PCGF3: variants seen among roughly 807,000 people sequenced by gnomAD.
PCGF3 encodes polycomb group RING finger protein 3.
Under a neutral mutation model 33.1 loss-of-function variants are expected in PCGF3, and 7 were observed. The ratio of observed to expected loss-of-function variants is 0.21; its 90% CI spans 0.12 to 0.40. The LOEUF is 0.40. Ranked by LOEUF, PCGF3 falls within the 10% of genes least tolerant of loss-of-function variation. PCGF3 has a pLI of 1.00. For missense variants in PCGF3, 211 were observed against 313.3 expected, an observed-to-expected ratio of 0.67 and a Z score of 2.46; for synonymous variants, 153 against 121.3, an observed-to-expected ratio of 1.26 and a Z score of -1.72.
rs1745528388 is a variant in PCGF3, at chr4:769,490, ATGATCAATGT to A, written c.*3412_*3421del. On this transcript the variant is annotated 3_prime_UTR_variant, in exon 11 of 11. Coordinates refer to ENST00000362003, the Ensembl canonical transcript of PCGF3. ...CGCCACCACATCACATGACCTTAACATGATCAATGTATTTCTCTGCCTTGACATTTAAATA... is the reference window on the plus strand; with the variant it reads ...CGCCACCACATCACATGACCTTAACAATTTCTCTGCCTTGACATTTAAATA... 2.6e-5 allele frequency: 4 copies of A among 152,842 alleles called. No homozygotes were observed. In the South Asian group the frequency reaches 8.3e-4, roughly 32 times the overall value. The allele number at this position is 152,842 out of a possible 1,614,324, so 9.5% of individuals were successfully genotyped here. A position where few individuals can be genotyped will look rare whatever the true frequency, so the allele number is the denominator to read the frequency against.
chr4:715,408 C>T (rs1742775670), intron 1 of PCGF3, among the ~76,000 whole-genome samples: 2 of 146,238 alleles, frequency 1.4e-5, no homozygotes, highest in African/African-American at 5.0e-5. Flanking sequence ...ACCCTGTAGA[C>T]ACTGAGTGTG....
At chr4:724,154 G>T (rs771041975) in intron 1 of PCGF3, 2 of 152,482 alleles carry the variant, frequency 1.3e-5, no homozygotes, top group Non-Finnish European at 2.9e-5. Flanking sequence ...TCAGCCGGGA[G>T]GGGGCACGGA....
chr4:731,179 C>G (rs576844359), intron 3 of PCGF3, 69 bp downstream of exon 3: 4 of 398,346 alleles, frequency 1.0e-5, no homozygotes. Flanking sequence ...CTGGTTGTGG[C>G]GAGGGCCGGC....
At position 713,366 on chromosome 4, in the gene PCGF3, C is replaced by T. The variant is rs776902205; in HGVS notation, c.-190+7396C>T. On this transcript the variant is annotated intron_variant, in intron 1 of 10. Coordinates refer to ENST00000362003, the Ensembl canonical transcript of PCGF3. Reference sequence around the variant, plus strand: ...GTGGCTTTGTGGGTCCTGTGTGTCTCATGGGAGCCGTGGCCTTGTGGGTCC... The same window carrying T: ...GTGGCTTTGTGGGTCCTGTGTGTCTTATGGGAGCCGTGGCCTTGTGGGTCC... Among the ~76,000 whole-genome samples the T allele has an allele frequency of 1.2e-3, 138 of 118,798 alleles. 1 individual carries two copies. Among genetic ancestry groups the T allele is most frequent in the Admixed American group, 4.3e-3 (48 of 11,160 alleles). The allele number at this position is 118,798 out of a possible 152,430, so 77.9% of individuals were successfully genotyped here. A position where few individuals can be genotyped will look rare whatever the true frequency, so the allele number is the denominator to read the frequency against.
At chr4:708,916 G>C (rs1742448450) in intron 1 of PCGF3, among the ~76,000 whole-genome samples, 1 of 152,196 alleles carries the variant, frequency 6.6e-6, no homozygotes, top group African/African-American at 2.4e-5. Flanking sequence ...AAAGGATCCT[G>C]GTGGTGATCG....
intron 8 of PCGF3, among the ~76,000 whole-genome samples, chr4:747,783 G>A (rs1744326651): frequency 6.6e-6 from 1 of 152,182 alleles, no homozygotes; most frequent in African/African-American, 2.4e-5. Flanking sequence ...AGCACCGAGG[G>A]AGGGCTCACA....
chr4:755,922 T>C (rs201127038), intron 8 of PCGF3, among the ~76,000 whole-genome samples: 7,360 of 143,362 alleles, frequency 0.051, 395 homozygotes, highest in East Asian at 0.1. Flanking sequence ...TTTTTTTTTT[T>C]TTTTTTTTTT....
In PCGF3 at chr4:718,511, C is replaced by T. The variant is rs374152374; in HGVS notation, c.-189-12119C>T. 1.4e-4 allele frequency among the ~76,000 whole-genome samples: 22 copies of T among 152,218 alleles called. No individual in the cohort carries two copies. In the East Asian group the frequency reaches 1.5e-3, roughly 11 times the overall value. ...AATTTAAAAAATGAGAGCTGATGTG[C>T]GCCTGTAATCCCAGCTACTGAGAAA... On this transcript the variant is annotated intron_variant, in intron 1 of 10. Coordinates refer to ENST00000362003, the Ensembl canonical transcript of PCGF3.
At chr4:707,210 G>T (rs1037233549) in intron 1 of PCGF3, among the ~76,000 whole-genome samples, 34 of 126,160 alleles carry the variant, frequency 2.7e-4, no homozygotes, top group African/African-American at 8.9e-4. Context: ...TGGCCACCTG[G>T]CAGGGCCCGG....
At chr4:760,516 G>A (rs1176073394) in intron 8 of PCGF3, among the ~76,000 whole-genome samples, 1 of 152,142 alleles carries the variant, frequency 6.6e-6, no homozygotes, top group African/African-American at 2.4e-5. Flanking sequence ...CTGTACCCCT[G>A]GTGTCCTCCC....
chr4:761,900 A>G, intron 9 of PCGF3: 3 of 985,438 alleles, frequency 3.0e-6, no homozygotes, highest in South Asian at 4.7e-5. Context: ...AGGCGCCAGC[A>G]GGGTCCAGCT....
intron 1 of PCGF3, among the ~76,000 whole-genome samples, chr4:707,644 GC>G (rs755421580): frequency 8.4e-6 from 1 of 119,538 alleles, no homozygotes; most frequent in African/African-American, 3.0e-5. Flanking sequence ...CCCTGGGACA[GC>G]CCTGTTTTCC....
chr4:742,376 C>T (rs1213514800), intron 6 of PCGF3, among the ~76,000 whole-genome samples: 1 of 152,252 alleles, frequency 6.6e-6, no homozygotes, highest in African/African-American at 2.4e-5. Context: ...GAGCGTTTCC[C>T]TGGCCTGGCC....
At chr4:727,719 C>T (rs1022473073) in intron 1 of PCGF3, among the ~76,000 whole-genome samples, 6 of 151,516 alleles carry the variant, frequency 4.0e-5, no homozygotes, top group Admixed American at 1.3e-4. Context: ...GAATGATTAT[C>T]TTTTTGTATA....
At chr4:763,754 C>T (rs896743981) in intron 9 of PCGF3, among the ~76,000 whole-genome samples, 10 of 152,206 alleles carry the variant, frequency 6.6e-5, no homozygotes, top group African/African-American at 7.2e-5. Context: ...AACCTGCACC[C>T]GGATGTTGAT....
intron 8 of PCGF3, among the ~76,000 whole-genome samples, chr4:752,484 C>CT (rs1251020145): frequency 6.6e-6 from 1 of 152,230 alleles, no homozygotes; most frequent in East Asian, 1.9e-4. Context: ...CTGTTCCGCT[C>CT]TTTTCCCCCA....
rs570363983 is a variant in PCGF3 at position 721,504 on chromosome 4, G to A, written c.-189-9126G>A. 8.5e-5 allele frequency among the ~76,000 whole-genome samples: 13 copies of A among 152,218 alleles called. No homozygotes were observed. Among genetic ancestry groups the A allele is most frequent in the Admixed American group, 5.2e-4 (8 of 15,300 alleles). On this transcript the variant is annotated intron_variant, in intron 1 of 10. Transcript: ENST00000362003. The surrounding 1 kb of genome is among the most constrained non-coding windows in gnomAD (Gnocchi z 4.1). The stretch of plus-strand genomic sequence containing the variant: ...TGCAGAGGGTGCCGGGGTGGAGAGC[G>A]GAAGAGAGAGGGAGTCGGTGCCTTA...
rs999713228 is a variant in PCGF3, at chr4:767,475, C to T, written c.*1396C>T. 12 of 152,330 alleles carry T rather than the reference C, an allele frequency of 7.9e-5. No homozygotes were observed. The South Asian group carries it at 2.3e-3, about 29-fold the overall frequency. 9.4% of individuals were successfully genotyped at this position (152,330 alleles called of 1,614,324 possible). A position where few individuals can be genotyped will look rare whatever the true frequency, so the allele number is the denominator to read the frequency against. On this transcript the variant is annotated 3_prime_UTR_variant, in exon 11 of 11. Transcript: ENST00000362003. ...TTCCTGTGGAACTGAATCCCTCCTC[C>T]CTCCACTCCTTGGGAGCCCAGGTGG... is the stretch of plus-strand genomic sequence containing the variant.
intron 8 of PCGF3, among the ~76,000 whole-genome samples, chr4:750,364 ATCT>A (rs1412322765): frequency 6.6e-6 from 1 of 151,876 alleles, no homozygotes; most frequent in Non-Finnish European, 1.5e-5. Flanking sequence ...GGGGATTGAG[ATCT>A]TCTTGCTTGT....
Sources: gnomAD v4.1 joint callset for allele counts (sites outside exome capture counted in the v4.1 genomes callset) on GRCh38, gnomAD v4.1.1 for gene constraint, Gnocchi (gnomAD v3.1) non-coding constraint, MANE v1.5 for transcripts, NCBI Gene and HGNC (gene_info 2026-07-23, HGNC 2026-07-21) for gene names.